UPF1: variants seen among roughly 807,000 people sequenced by gnomAD.
UPF1 encodes UPF1 RNA helicase and ATPase, also known as regulator of nonsense transcripts 1.
UPF1 carries 9 observed loss-of-function variants against 129.2 expected under a neutral mutation model. The observed-to-expected ratio is 0.07, with a 90% CI of 0.04 to 0.12. The LOEUF is 0.12. UPF1 is among the 10% of genes least tolerant of loss of function. The pLI is 1.00. For synonymous variants in UPF1, 649 were observed against 644.9 expected (o/e 1.01, Z -0.10); for missense variants, 788 against 1,525.3 (o/e 0.52, Z 8.05).
chr19:18,866,227 G>C lies in UPF1; in HGVS notation c.*3+61G>C, dbSNP rs931436417. Reference sequence around the variant, plus strand: ...GCCTCAAGGAGAAGGATGGGAGGGGGCTCTCCCCAGGGAGCTGCACTGGAG... The same window carrying C: ...GCCTCAAGGAGAAGGATGGGAGGGGCCTCTCCCCAGGGAGCTGCACTGGAG... On this transcript the variant is annotated intron_variant, in intron 23 of 23. Coordinates refer to ENST00000262803, the MANE Select transcript of UPF1 (RefSeq NM_002911.4). 7 of 1,494,610 alleles carry C rather than the reference G, an allele frequency of 4.7e-6. No individual in the cohort carries two copies. The Admixed American group carries it at 7.4e-5, about 16-fold the overall frequency. The allele number at this position is 1,494,610 out of a possible 1,614,324, so 92.6% of individuals were successfully genotyped here.
intron 16 of UPF1, 148 bp from the exon 17 acceptor site, chr19:18,860,678 G>A (rs566121499): frequency 4.9e-6 from 6 of 1,212,562 alleles, no homozygotes; most frequent in Non-Finnish European, 6.8e-6. Flanking sequence ...GACTCCCCTG[G>A]TGAAGGCTGG....
chr19:18,850,001 A>T lies in UPF1; in HGVS notation c.462-74A>T, dbSNP rs2055640902. 6.3e-7 allele frequency: 1 copy of T among 1,588,058 alleles called. No homozygotes were observed. The highest frequency in any genetic ancestry group is 1.7e-5 in the Admixed American group (1 of 59,140). The stretch of plus-strand genomic sequence containing the variant: ...ACCGTGAACGGTACCGGAACTTTTA[A>T]CAGGGGCCCGAAAATTGGAAGTGGT... On this transcript the variant is annotated intron_variant, in intron 3 of 23. Coordinates refer to ENST00000262803, the MANE Select transcript of UPF1 (RefSeq NM_002911.4). This position sits in a 1 kb window ranked among gnomAD's most constrained non-coding sequence, Gnocchi z 7.1.
chr19:18,846,353 A>G (rs756557525), intron 2 of UPF1, among the ~76,000 whole-genome samples: 3 of 151,892 alleles, frequency 2.0e-5, no homozygotes, highest in Non-Finnish European at 4.4e-5. Flanking sequence ...CTGGTGGGAA[A>G]AGTTTTCCTT....
chr19:18,839,570 C>T (rs1223411041), intron 1 of UPF1, among the ~76,000 whole-genome samples: 3 of 152,230 alleles, frequency 2.0e-5, no homozygotes, highest in Admixed American at 6.5e-5. Flanking sequence ...TGTCCACCGC[C>T]TCAGACTGAG....
intron 20 of UPF1, among the ~76,000 whole-genome samples, chr19:18,864,511 C>T (rs2055817632): frequency 6.6e-6 from 1 of 152,222 alleles, no homozygotes; most frequent in Non-Finnish European, 1.5e-5. Context: ...AGGGCAGGGA[C>T]TGCATGTAGT....
chr19:18,850,265 C>T lies in UPF1; in HGVS notation c.629+23C>T. 1 of 1,564,490 alleles carries T rather than the reference C, an allele frequency of 6.4e-7. No homozygotes were observed. Among genetic ancestry groups the T allele is most frequent in the Middle Eastern group, 2.0e-4 (1 of 5,002 alleles). ...CAGGTGAGTGGTCCCCAGATGTCTC[C>T]TGGGGGTGACCTTTAAGCTCCAGCC... is the stretch of plus-strand genomic sequence containing the variant. On this transcript the variant is annotated intron_variant, in intron 4 of 23. Transcript: ENST00000262803. This position sits in a 1 kb window ranked among gnomAD's most constrained non-coding sequence, Gnocchi z 7.1.
chr19:18,839,299 G>T (rs1022005171), intron 1 of UPF1, among the ~76,000 whole-genome samples: 1 of 152,094 alleles, frequency 6.6e-6, no homozygotes, highest in Non-Finnish European at 1.5e-5. Flanking sequence ...TCACCATGTT[G>T]GCCAGGCTGG....
intron 16 of UPF1, 89 bp from the exon 17 acceptor site, chr19:18,860,737 G>A: frequency 6.5e-7 from 1 of 1,541,792 alleles, no homozygotes; most frequent in Non-Finnish European, 8.8e-7. Context: ...CTTCCCGCAG[G>A]GTGTTGTGTC....
chr19:18,843,748 T>TG (rs1041808493), intron 1 of UPF1, among the ~76,000 whole-genome samples: 4 of 144,606 alleles, frequency 2.8e-5, no homozygotes, highest in Non-Finnish European at 4.7e-5. Context: ...TGTGTGTGTG[T>TG]GTGTTGTTGT....
Position 18,832,450 on chromosome 19 carries a change from A to C in UPF1, c.231+10A>C. ...ACAGCTCGACGCGCAGGTGAGCGGCACATGGCGGTGCCGGAAGCCCGGGCC... is the reference window on the plus strand; with the variant it reads ...ACAGCTCGACGCGCAGGTGAGCGGCCCATGGCGGTGCCGGAAGCCCGGGCC... On this transcript the variant is annotated intron_variant, in intron 1 of 23. Transcript: ENST00000262803. The surrounding 1 kb of genome is among the most constrained non-coding windows in gnomAD (Gnocchi z 5.6). 6 of 997,014 alleles carry C rather than the reference A, an allele frequency of 6.0e-6. No homozygotes were observed. Among genetic ancestry groups the C allele is most frequent in the Non-Finnish European group, 6.0e-6 (5 of 837,792 alleles). The allele number at this position is 997,014 out of a possible 1,614,324, so 61.8% of individuals were successfully genotyped here.
intron 20 of UPF1, 21 bp downstream of exon 20, chr19:18,864,272 C>T: frequency 1.3e-6 from 2 of 1,598,606 alleles, no homozygotes; most frequent in South Asian, 1.1e-5. Flanking sequence ...CAGCAGGGGA[C>T]CTGGCCGACC....
chr19:18,864,227 T>C lies in UPF1; in HGVS notation c.2833T>C (p.Ser945Pro), dbSNP rs1017556584. The C allele has an allele frequency of 6.2e-7, 1 of 1,613,580 alleles. No homozygotes were observed. ...YDAREAIIPG[S>P]VYDRSSQGRP... Reference sequence around the variant, plus strand: ...TGCCCGGGAGGCCATCATCCCAGGCTCCGTCTATGATCGGAGCAGCCAGGG... The same window carrying C: ...TGCCCGGGAGGCCATCATCCCAGGCCCCGTCTATGATCGGAGCAGCCAGGG... The change falls in exon 20 of 24, where the codon TCC becomes CCC. Residue 945 changes from serine to proline, a missense_variant. Transcript: ENST00000262803.
intron 10 of UPF1, 31 bp downstream of exon 10, chr19:18,855,069 G>T: frequency 2.5e-6 from 4 of 1,612,956 alleles, no homozygotes; most frequent in Non-Finnish European, 3.4e-6. Flanking sequence ...GCGGGGCCTC[G>T]CCCATGGGCC....
intron 23 of UPF1, 38 bp from the exon 24 acceptor site, chr19:18,866,483 A>G (rs1234453633): frequency 1.3e-5 from 4 of 298,198 alleles, no homozygotes; most frequent in African/African-American, 4.4e-5. Context: ...CTCAGGTCGC[A>G]GCCTCTCACC....
rs902931879 is a variant in UPF1 at position 18,863,140 on chromosome 19, C to T, written c.2601-298C>T. On this transcript the variant is annotated intron_variant, in intron 18 of 23. Coordinates refer to ENST00000262803, the MANE Select transcript of UPF1 (RefSeq NM_002911.4). ...GGGCCCTGTGGGGCCGCGTGTGCCC[C>T]GGTGCCTGGAAGGCCGACTCTCTTG... 8.8e-5 allele frequency: 28 copies of T among 316,752 alleles called. No individual in the cohort carries two copies. In the Middle Eastern group the frequency reaches 2.6e-3, roughly 29 times the overall value. 19.6% of individuals were successfully genotyped at this position (316,752 alleles called of 1,614,324 possible).
In UPF1 at chr19:18,858,424, T is replaced by G. The variant is rs957491866; in HGVS notation, c.2182+891T>G. Among the ~76,000 whole-genome samples the G allele has an allele frequency of 1.2e-4, 18 of 151,984 alleles. 1 individual carries two copies. The highest frequency in any genetic ancestry group is 2.9e-5 in the Non-Finnish European group (2 of 68,004). On this transcript the variant is annotated intron_variant, in intron 15 of 23. Coordinates refer to ENST00000262803, the MANE Select transcript of UPF1 (RefSeq NM_002911.4). ...CCATTGCCAGTGAAATGTGTCAGCC[T>G]TTGGAAGACCTACTTGACTCGGTGG...
chr19:18,856,633 C>A (rs180893850), intron 13 of UPF1, among the ~76,000 whole-genome samples: 8 of 152,158 alleles, frequency 5.3e-5, no homozygotes, highest in Non-Finnish European at 1.5e-5. Context: ...TGGAGGCTGT[C>A]GTGAGGCGCA....
At chr19:18,846,174 C>A in intron 2 of UPF1, 55 bp downstream of exon 2, 1 of 1,605,288 alleles carries the variant, frequency 6.2e-7, no homozygotes, top group East Asian at 2.2e-5. Flanking sequence ...GTGCCTCTGG[C>A]ATGGGCCTGG....
chr19:18,847,634 G>C, intron 2 of UPF1, 110 bp from the exon 3 acceptor site: 1 of 999,932 alleles, frequency 1.0e-6, no homozygotes, highest in East Asian at 2.5e-5. Flanking sequence ...TTGAGTATGT[G>C]TTTAATGAAG....
Sources: allele counts gnomAD v4.1 joint callset (sites outside exome capture counted in the v4.1 genomes callset), GRCh38; gene constraint gnomAD v4.1.1; non-coding constraint Gnocchi (gnomAD v3.1); transcripts MANE v1.5; gene names NCBI Gene and HGNC (gene_info 2026-07-23, HGNC 2026-07-21).